Variants in DEPDC1B observed in about 807,000 individuals in gnomAD.
The protein encoded by DEPDC1B is DEP domain-containing protein 1B.
Under a neutral mutation model 66.5 loss-of-function variants are expected in DEPDC1B, and 51 were observed. The ratio of observed to expected loss-of-function variants is 0.77; its 90% CI spans 0.61 to 0.97. The LOEUF (loss-of-function observed/expected upper bound fraction) is 0.97, where lower values mean the gene tolerates loss of function less well. DEPDC1B is among the 50% of genes least tolerant of loss of function. The pLI, the probability that DEPDC1B is intolerant of heterozygous loss-of-function variation, is 0.00. For missense variants in DEPDC1B, 552 were observed against 637.1 expected (o/e 0.87, Z 1.44); for synonymous variants, 226 against 223.6 (o/e 1.01, Z -0.10).
At chr5:60,615,706 A>G (rs1244250617) in intron 7 of DEPDC1B, among the ~76,000 whole-genome samples, 6 of 152,270 alleles carry the variant, frequency 3.9e-5, no homozygotes, top group Non-Finnish European at 8.8e-5. Context: ...TGTAGACTCC[A>G]CCTCTGGGGG....
At chr5:60,667,538 T>C (rs1449967356) in intron 2 of DEPDC1B, among the ~76,000 whole-genome samples, 1 of 145,974 alleles carries the variant, frequency 6.9e-6, no homozygotes, top group Non-Finnish European at 1.5e-5. Flanking sequence ...TTTACATATA[T>C]ATAAAAAATG....
chr5:60,628,640 G>A (rs955398038), intron 7 of DEPDC1B: 1 of 152,122 alleles, frequency 6.6e-6, no homozygotes, highest in African/African-American at 2.4e-5. Context: ...TTTCTCCAGA[G>A]ATTTTCAAAG....
intron 9 of DEPDC1B, among the ~76,000 whole-genome samples, chr5:60,601,068 ATG>A (rs1409332611): frequency 6.6e-6 from 1 of 152,060 alleles, no homozygotes; most frequent in East Asian, 1.9e-4. Context: ...CTCATGAAGG[ATG>A]TGTTTGCTTC....
chr5:60,666,028 C>T (rs1451368497), intron 2 of DEPDC1B, among the ~76,000 whole-genome samples: 1 of 152,208 alleles, frequency 6.6e-6, no homozygotes, highest in Non-Finnish European at 1.5e-5. Flanking sequence ...TGCAACTGCA[C>T]ACTCTTCTGG....
In DEPDC1B at chr5:60,642,843, C is replaced by T; in HGVS notation, c.726G>A (p.Trp242Ter). 1 of 1,611,278 alleles carries T rather than the reference C, an allele frequency of 6.2e-7. No individual in the cohort carries two copies. The highest frequency in any genetic ancestry group is 8.5e-7 in the Non-Finnish European group (1 of 1,179,048). Residue 242 changes from tryptophan (W) to a stop codon, truncating the protein, a stop_gained, in exon 6 of 11, where the codon TGG becomes TGA. Transcript: ENST00000265036. LOFTEE classifies it high-confidence loss of function. ...LDDKSKELPH[W>*]VLSAMKCLAN... ...CCAAACACTTCATAGCTGACAGCAC[C>T]CAATGAGGAAGTTCTTCTGAAGGAA... is the stretch of plus-strand genomic sequence containing the variant.
intron 7 of DEPDC1B, among the ~76,000 whole-genome samples, chr5:60,626,771 A>G (rs1191754830): frequency 6.6e-6 from 1 of 152,118 alleles, no homozygotes; most frequent in African/African-American, 2.4e-5. Flanking sequence ...TTCAAAAACA[A>G]TGGTTTAGGG....
intron 1 of DEPDC1B, among the ~76,000 whole-genome samples, chr5:60,695,394 G>A (rs950420380): frequency 6.6e-6 from 1 of 151,888 alleles, no homozygotes; most frequent in Non-Finnish European, 1.5e-5. Context: ...TGAGGGACAG[G>A]GTGCCACACT....
intron 2 of DEPDC1B, among the ~76,000 whole-genome samples, chr5:60,670,854 T>C (rs956436781): frequency 6.6e-6 from 1 of 152,140 alleles, no homozygotes; most frequent in African/African-American, 2.4e-5. Context: ...TTCGGACTCC[T>C]TGTGGCCAGG....
intron 7 of DEPDC1B, among the ~76,000 whole-genome samples, chr5:60,608,542 G>C (rs891393707): frequency 6.7e-6 from 1 of 149,532 alleles, no homozygotes; most frequent in Non-Finnish European, 1.5e-5. Context: ...AATATTAGTA[G>C]TACAATATTT....
At chr5:60,640,057 C>T (rs1753151983) in intron 6 of DEPDC1B, among the ~76,000 whole-genome samples, 1 of 152,284 alleles carries the variant, frequency 6.6e-6, no homozygotes, top group South Asian at 2.1e-4. Context: ...ATCAAATGGC[C>T]TTTTCGGCCT....
At chr5:60,617,394 T>A (rs1752584495) in intron 7 of DEPDC1B, among the ~76,000 whole-genome samples, 1 of 152,048 alleles carries the variant, frequency 6.6e-6, no homozygotes. Flanking sequence ...AGGAAACCCA[T>A]CTCACATGCA....
At chr5:60,622,387 T>G (rs1043220006) in intron 7 of DEPDC1B, among the ~76,000 whole-genome samples, 1 of 152,214 alleles carries the variant, frequency 6.6e-6, no homozygotes, top group Non-Finnish European at 1.5e-5. Flanking sequence ...TACCCATAGT[T>G]TATTTTTATT....
chr5:60,699,498 A>ATCTG (rs1423700247), intron 1 of DEPDC1B, among the ~76,000 whole-genome samples: 1 of 149,134 alleles, frequency 6.7e-6, no homozygotes, highest in African/African-American at 2.5e-5. Flanking sequence ...CTCCTAAAAC[A>ATCTG]TCTGTCCTGG....
At chr5:60,691,660 T>A (rs1309741923) in intron 1 of DEPDC1B, among the ~76,000 whole-genome samples, 4 of 149,656 alleles carry the variant, frequency 2.7e-5, no homozygotes, top group Non-Finnish European at 4.5e-5. Flanking sequence ...GAAAAAAAAA[T>A]TTAAACAGGT....
At chr5:60,689,868 C>A (rs963675668) in intron 1 of DEPDC1B, among the ~76,000 whole-genome samples, 5 of 152,020 alleles carry the variant, frequency 3.3e-5, no homozygotes, top group African/African-American at 1.2e-4. Flanking sequence ...ATGGGGAAAC[C>A]CCATTTCTAC....
chr5:60,693,466 A>T (rs1226188969), intron 1 of DEPDC1B, among the ~76,000 whole-genome samples: 1 of 152,198 alleles, frequency 6.6e-6, no homozygotes, highest in Non-Finnish European at 1.5e-5. Context: ...ATCAAATGAG[A>T]TCATGACTAT....
intron 7 of DEPDC1B, among the ~76,000 whole-genome samples, chr5:60,621,235 A>C (rs1752693845): frequency 6.6e-6 from 1 of 152,012 alleles, no homozygotes; most frequent in South Asian, 2.1e-4. Flanking sequence ...ACATATATAC[A>C]TATGTAACAA....
Position 60,686,945 on chromosome 5 carries a change from T to G in DEPDC1B, c.314+17A>C, listed in dbSNP as rs760508338. ...CTCCCCAATTCCTCACCTTCCAGGT[T>G]TACATGTTGCCATTACCTGTATAAG... On this transcript the variant is annotated intron_variant, in intron 2 of 10. Coordinates refer to ENST00000265036, the MANE Select transcript of DEPDC1B (RefSeq NM_018369.3). 1.2e-6 allele frequency: 2 copies of G among 1,612,728 alleles called. No individual in the cohort carries two copies. Among genetic ancestry groups the G allele is most frequent in the Admixed American group, 3.3e-5 (2 of 59,970 alleles).
intron 2 of DEPDC1B, among the ~76,000 whole-genome samples, chr5:60,682,190 A>G (rs964081298): frequency 6.6e-6 from 1 of 152,228 alleles, no homozygotes; most frequent in Non-Finnish European, 1.5e-5. Context: ...CAGCCATAAA[A>G]AATGATGAGT....
Sources: gnomAD v4.1 joint callset for allele counts (sites outside exome capture counted in the v4.1 genomes callset) on GRCh38, gnomAD v4.1.1 for gene constraint, MANE v1.5 for transcripts, NCBI Gene and HGNC (gene_info 2026-07-23, HGNC 2026-07-21) for gene names.